Variants in MATN2 observed in about 807,000 individuals in gnomAD.
MATN2 encodes the protein matrilin 2, also known as matrilin-2.
MATN2 carries 69 observed loss-of-function variants against 103.2 expected under a neutral mutation model. That is an observed-to-expected ratio of 0.67 (90% CI 0.55 to 0.82). The LOEUF (loss-of-function observed/expected upper bound fraction) is 0.82, where lower values mean the gene tolerates loss of function less well. Ranked by LOEUF, MATN2 falls within the 40% of genes least tolerant of loss-of-function variation. The pLI, the probability that MATN2 is intolerant of heterozygous loss-of-function variation, is 0.00. For synonymous variants in MATN2, 429 were observed against 450.2 expected, an observed-to-expected ratio of 0.95 and a Z score of 0.60; for missense variants, 1,023 against 1,211.5, an observed-to-expected ratio of 0.84 and a Z score of 2.31.
intron 13 of MATN2, among the ~76,000 whole-genome samples, chr8:98,022,650 T>C (rs1813642320): frequency 8.8e-6 from 1 of 113,496 alleles, no homozygotes. Context: ...GAAAGGACAC[T>C]TGGAGAAGCT....
chr8:97,973,294 C>T lies in MATN2; in HGVS notation c.959-5592C>T, dbSNP rs950684761. 2.0e-5 allele frequency among the ~76,000 whole-genome samples: 3 copies of T among 152,134 alleles called. 1 individual carries two copies. The South Asian group carries it at 6.2e-4, about 32-fold the overall frequency. ...CCTGCCTTGCCAATCACATCCTCCC[C>T]CTTAGTTCCCCAGAGAGCTGTGTAC... On this transcript the variant is annotated intron_variant, in intron 5 of 18. Coordinates refer to ENST00000254898, the MANE Select transcript of MATN2 (RefSeq NM_002380.5).
At chr8:97,878,719 C>T (rs900135488) in intron 1 of MATN2, among the ~76,000 whole-genome samples, 11 of 151,266 alleles carry the variant, frequency 7.3e-5, no homozygotes, top group Admixed American at 4.0e-4. Context: ...GGCATGGTGG[C>T]GGGTGCCTGT....
At chr8:97,880,215 C>A (rs2129949043) in intron 1 of MATN2, among the ~76,000 whole-genome samples, 1 of 151,746 alleles carries the variant, frequency 6.6e-6, no homozygotes, top group South Asian at 2.1e-4. Context: ...TCCCGAGTAG[C>A]TGGAATTACA....
intron 2 of MATN2, among the ~76,000 whole-genome samples, chr8:97,911,302 C>T (rs370280476): frequency 2.6e-5 from 4 of 152,056 alleles, no homozygotes; most frequent in South Asian, 2.1e-4. Context: ...TATTTAGAGC[C>T]ATAGCATATG....
intron 10 of MATN2, among the ~76,000 whole-genome samples, chr8:98,013,819 C>CAGATAAGGTGTGGTGGCT (rs1813264034): frequency 6.6e-6 from 1 of 152,188 alleles, no homozygotes; most frequent in South Asian, 2.1e-4. Flanking sequence ...ACAAGAATAT[C>CAGATAAGGTGTGGTGGCT]CATTGCAGAT....
intron 6 of MATN2, among the ~76,000 whole-genome samples, chr8:97,991,739 C>CT (rs34136839): frequency 0.11 from 16,760 of 151,026 alleles, 1,159 homozygotes; most frequent in East Asian, 0.17. Flanking sequence ...AAAAAAAATT[C>CT]TTTTTTCAGA....
intron 18 of MATN2, among the ~76,000 whole-genome samples, 179 bp from the exon 19 acceptor site, chr8:98,035,478 A>G (rs1197924084): frequency 6.6e-6 from 1 of 152,044 alleles, no homozygotes; most frequent in Non-Finnish European, 1.5e-5. Context: ...TCTTGACAGA[A>G]TATGTTAAAT....
Position 97,931,359 on chromosome 8 carries a change from G to T in MATN2, c.549G>T (p.Lys183Asn). 1 of 1,613,942 alleles carries T rather than the reference G, an allele frequency of 6.2e-7. No homozygotes were observed. The highest frequency in any genetic ancestry group is 1.1e-5 in the South Asian group (1 of 91,088). The part of the protein sequence containing the change: ...PQDSVAEVAA[K>N]ARDTGILIFA... ...ACTCCGTGGCCGAGGTGGCTGCTAA[G>T]GCACGGGACACGGGCATCCTAATCT... Residue 183 changes from lysine to asparagine, a missense_variant, in exon 3 of 19, where the codon AAG becomes AAT. Coordinates refer to ENST00000254898, the MANE Select transcript of MATN2 (RefSeq NM_002380.5). The surrounding 1 kb of genome is among the most constrained non-coding windows in gnomAD (Gnocchi z 4.1).
chr8:97,948,568 C>T (rs781201452), intron 4 of MATN2, among the ~76,000 whole-genome samples: 12 of 152,058 alleles, frequency 7.9e-5, no homozygotes, highest in Admixed American at 1.3e-4. Flanking sequence ...GATTTTTTGA[C>T]GGAGTGGGAA....
intron 12 of MATN2, 148 bp downstream of exon 12, chr8:98,018,264 A>G (rs780302238): frequency 1.9e-6 from 2 of 1,048,990 alleles, no homozygotes; most frequent in Non-Finnish European, 2.8e-6. Context: ...TTAGCTAGAG[A>G]TCAGTTCAGT....
chr8:98,007,228 G>A lies in MATN2; in HGVS notation c.1450+1G>A, dbSNP rs202219949. 1.8e-4 allele frequency: 288 copies of A among 1,613,750 alleles called. 1 individual carries two copies. The highest frequency in any genetic ancestry group is 2.3e-4 in the Non-Finnish European group (268 of 1,179,898). On this transcript the variant is annotated splice_donor_variant, in intron 9 of 18. Transcript: ENST00000254898. LOFTEE classifies it high-confidence loss of function. The surrounding 1 kb of genome is among the most constrained non-coding windows in gnomAD (Gnocchi z 4.2). ...AACGAGGACCTCAAGACCTGCTCCC[G>A]TGAGTCCCTCCGCGCTCCTCTCATA...
chr8:98,009,704 G>A (rs954288692), intron 10 of MATN2, among the ~76,000 whole-genome samples: 4 of 152,058 alleles, frequency 2.6e-5, no homozygotes, highest in African/African-American at 7.2e-5. Context: ...TTTTTGCCTC[G>A]GGCAGTTAGA....
chr8:97,961,946 T>C (rs1811328970), intron 5 of MATN2, among the ~76,000 whole-genome samples: 1 of 152,238 alleles, frequency 6.6e-6, no homozygotes, highest in South Asian at 2.1e-4. Flanking sequence ...TCCTCCCTAA[T>C]GTCACCTATA....
rs2130145903 is a variant in MATN2, at chr8:97,931,990, C to T, written c.712+468C>T. 6.6e-6 allele frequency among the ~76,000 whole-genome samples: 1 copy of T among 152,282 alleles called. No individual in the cohort carries two copies. The highest frequency in any genetic ancestry group is 2.1e-4 in the South Asian group (1 of 4,818). ...AGTGCTGGGATTATAGGCATGAGCA[C>T]CCAGCTAAGACAGACATTAAATATA... On this transcript the variant is annotated intron_variant, in intron 3 of 18. Coordinates refer to ENST00000254898, the MANE Select transcript of MATN2 (RefSeq NM_002380.5). The surrounding 1 kb of genome is among the most constrained non-coding windows in gnomAD (Gnocchi z 4.1).
intron 2 of MATN2, among the ~76,000 whole-genome samples, chr8:97,920,382 A>G (rs1809773266): frequency 6.6e-6 from 1 of 152,032 alleles, no homozygotes; most frequent in South Asian, 2.1e-4. Context: ...TAATTTTTGC[A>G]TTTTTAGTAG....
chr8:97,964,942 C>G (rs1193232169), intron 5 of MATN2, among the ~76,000 whole-genome samples: 19 of 152,032 alleles, frequency 1.2e-4, no homozygotes. Flanking sequence ...CTATGTTGCC[C>G]AGGCAGGTAT....
intron 2 of MATN2, among the ~76,000 whole-genome samples, chr8:97,908,125 T>C (rs1482197756): frequency 1.3e-5 from 2 of 152,170 alleles, no homozygotes; most frequent in Non-Finnish European, 2.9e-5. Context: ...GGGATTGCTA[T>C]GGCTAAGTTC....
At chr8:97,877,578 C>T (rs540173590) in intron 1 of MATN2, among the ~76,000 whole-genome samples, 2 of 151,926 alleles carry the variant, frequency 1.3e-5, no homozygotes, top group South Asian at 4.2e-4. Flanking sequence ...ACCTCAGCCT[C>T]CCGAAGTGCT....
At chr8:98,025,928 A>G (rs191745021) in intron 13 of MATN2, among the ~76,000 whole-genome samples, 28 of 152,078 alleles carry the variant, frequency 1.8e-4, no homozygotes, top group African/African-American at 6.8e-4. Flanking sequence ...CTGTAATCCC[A>G]GCACTTTGGA....
Sources: allele counts gnomAD v4.1 joint callset (sites outside exome capture counted in the v4.1 genomes callset), GRCh38; gene constraint gnomAD v4.1.1; non-coding constraint Gnocchi (gnomAD v3.1); transcripts MANE v1.5; gene names NCBI Gene and HGNC (gene_info 2026-07-23, HGNC 2026-07-21).